Variants in CACNA1B observed in about 807,000 individuals in gnomAD.
CACNA1B encodes the protein voltage-dependent N-type calcium channel subunit alpha-1B.
A neutral mutation model predicts 247.2 loss-of-function variants in CACNA1B; 70 were observed. The observed-to-expected ratio is 0.28, with a 90% CI of 0.23 to 0.35. CACNA1B has a LOEUF of 0.35. Ranked by LOEUF, CACNA1B falls within the 10% of genes least tolerant of loss-of-function variation. The probability of loss-of-function intolerance (pLI) is 1.00; values close to 1 mark genes in which losing one functional copy is unlikely to be tolerated. For missense variants in CACNA1B, 2,367 were observed against 3,197.4 expected (o/e 0.74, Z 6.26); for synonymous variants, 1,231 against 1,294.4 (o/e 0.95, Z 1.05).
intron 20 of CACNA1B, among the ~76,000 whole-genome samples, chr9:138,039,548 T>C (rs923575893): frequency 8.5e-5 from 13 of 152,222 alleles, no homozygotes; most frequent in African/African-American, 3.1e-4. Context: ...CATCTGTGAA[T>C]ATATCATTTT....
At chr9:138,003,320 G>A (rs763593643) in intron 15 of CACNA1B, among the ~76,000 whole-genome samples, 45 of 151,084 alleles carry the variant, frequency 3.0e-4, no homozygotes, top group Middle Eastern at 3.5e-3. Context: ...CTACAGGTGC[G>A]CACTACCACA....
intron 11 of CACNA1B, among the ~76,000 whole-genome samples, chr9:137,972,040 C>G (rs1958158078): frequency 6.6e-6 from 1 of 152,176 alleles, no homozygotes; most frequent in Non-Finnish European, 1.5e-5. Flanking sequence ...GGGGGGAGTC[C>G]TGGCTTCTTA....
intron 6 of CACNA1B, among the ~76,000 whole-genome samples, chr9:137,927,669 A>C (rs1957567075): frequency 1.3e-5 from 2 of 152,160 alleles, no homozygotes; most frequent in Admixed American, 1.3e-4. Context: ...GAATGGCGAG[A>C]GCTGACATAT....
At position 137,955,605 on chromosome 9, in the gene CACNA1B, C is replaced by T; in HGVS notation, c.1071-93C>T. ...GCAGCCTGCAGCCTGCGTCTCCTGT[C>T]CCAGGCTTTCCCTGGTCCTTTTTGT... On this transcript the variant is annotated intron_variant, in intron 7 of 46. Coordinates refer to ENST00000371372, the MANE Select transcript of CACNA1B (RefSeq NM_000718.4). This position sits in a 1 kb window ranked among gnomAD's most constrained non-coding sequence, Gnocchi z 6.9. The T allele has an allele frequency of 1.2e-6, 1 of 837,264 alleles. No homozygotes were observed. Among genetic ancestry groups the T allele is most frequent in the Non-Finnish European group, 1.9e-6 (1 of 523,178 alleles). 51.9% of individuals were successfully genotyped at this position (837,264 alleles called of 1,614,324 possible).
intron 31 of CACNA1B, among the ~76,000 whole-genome samples, chr9:138,061,493 C>T (rs891627967): frequency 6.6e-6 from 1 of 152,150 alleles, no homozygotes; most frequent in Non-Finnish European, 1.5e-5. Context: ...TGAAATATGG[C>T]ACCCCAACCC....
intron 7 of CACNA1B, among the ~76,000 whole-genome samples, chr9:137,953,906 A>G (rs1177965242): frequency 6.6e-6 from 1 of 151,982 alleles, no homozygotes; most frequent in Non-Finnish European, 1.5e-5. Flanking sequence ...AGGTGCTGAG[A>G]ACGCTGCCTG....
At chr9:138,061,632 G>A (rs1959728384) in intron 31 of CACNA1B, among the ~76,000 whole-genome samples, 1 of 152,188 alleles carries the variant, frequency 6.6e-6, no homozygotes, top group South Asian at 2.1e-4. Flanking sequence ...TCCCCTGCGT[G>A]TGCTCCAAGC....
At position 138,058,426 on chromosome 9, in the gene CACNA1B, C is replaced by T; in HGVS notation, c.4309-143C>T. ...ACCGGATTTGGCTGGTTGAGGCCTG[C>T]TTGGAGAAGGTCTGGGCTGCTTCAA... On this transcript the variant is annotated intron_variant, in intron 28 of 46. Coordinates refer to ENST00000371372, the MANE Select transcript of CACNA1B (RefSeq NM_000718.4). This position sits in a 1 kb window ranked among gnomAD's most constrained non-coding sequence, Gnocchi z 4.7. The T allele has an allele frequency of 2.2e-6, 2 of 925,504 alleles. No homozygotes were observed. The highest frequency in any genetic ancestry group is 3.3e-6 in the Non-Finnish European group (2 of 607,548). 57.3% of individuals were successfully genotyped at this position (925,504 alleles called of 1,614,324 possible). A position where few individuals can be genotyped will look rare whatever the true frequency, so the allele number is the denominator to read the frequency against.
Position 138,052,305 on chromosome 9 carries a change from CCT to C in CACNA1B, c.3807+118_3807+119del. The C allele has an allele frequency of 3.2e-6, 2 of 634,576 alleles. No homozygotes were observed. Among genetic ancestry groups the C allele is most frequent in the Middle Eastern group, 8.2e-4 (2 of 2,426 alleles). 39.3% of individuals were successfully genotyped at this position (634,576 alleles called of 1,614,324 possible). ...AGTGTGTGTGTGTTCACATCACACC[CCT>C]GTGTGAGGGGGTTGGGCTCACTCAG... is the stretch of plus-strand genomic sequence containing the variant. On this transcript the variant is annotated intron_variant, in intron 25 of 46. Coordinates refer to ENST00000371372, the MANE Select transcript of CACNA1B (RefSeq NM_000718.4). This position sits in a 1 kb window ranked among gnomAD's most constrained non-coding sequence, Gnocchi z 5.1.
At position 137,986,947 on chromosome 9, in the gene CACNA1B, T is replaced by A; in HGVS notation, c.1974+93T>A. The A allele has an allele frequency of 1.1e-6, 1 of 926,996 alleles. No individual in the cohort carries two copies. Among genetic ancestry groups the A allele is most frequent in the Non-Finnish European group, 1.8e-6 (1 of 559,950 alleles). The allele number at this position is 926,996 out of a possible 1,614,324, so 57.4% of individuals were successfully genotyped here. On this transcript the variant is annotated intron_variant, in intron 15 of 46. Transcript: ENST00000371372. The surrounding 1 kb of genome is among the most constrained non-coding windows in gnomAD (Gnocchi z 6.0). ...GACTCTCCTGTCATTCCCTCCCTTG[T>A]TCCTCCACACGGCCCAGATCACTGA...
intron 42 of CACNA1B, 50 bp downstream of exon 42, chr9:138,115,729 A>T: frequency 6.4e-7 from 1 of 1,552,682 alleles, no homozygotes; most frequent in African/African-American, 1.4e-5. Flanking sequence ...GTCCAAAGAC[A>T]GTAAAGGGGG....
rs906053198 is a variant in CACNA1B at position 137,954,295 on chromosome 9, G to A, written c.1071-1403G>A. On this transcript the variant is annotated intron_variant, in intron 7 of 46. Coordinates refer to ENST00000371372, the MANE Select transcript of CACNA1B (RefSeq NM_000718.4). This position sits in a 1 kb window ranked among gnomAD's most constrained non-coding sequence, Gnocchi z 4.1. The stretch of plus-strand genomic sequence containing the variant: ...AGCCGCGGCTCTGCCATGTCTGGGC[G>A]AGAGCTGCAGGAGGGGCCAGCTTGG... 8.5e-5 allele frequency among the ~76,000 whole-genome samples: 13 copies of A among 152,210 alleles called. No individual in the cohort carries two copies. The highest frequency in any genetic ancestry group is 2.9e-4 in the African/African-American group (12 of 41,456).
intron 3 of CACNA1B, among the ~76,000 whole-genome samples, chr9:137,892,992 C>A (rs1957124262): frequency 2.0e-5 from 3 of 152,224 alleles, no homozygotes; most frequent in African/African-American, 7.2e-5. Context: ...GGGAGGGGGG[C>A]CGCCATGGCA....
intron 39 of CACNA1B, 109 bp from the exon 40 acceptor site, chr9:138,112,289 G>A (rs576553486): frequency 1.6e-5 from 12 of 740,972 alleles, no homozygotes; most frequent in African/African-American, 6.9e-5. Flanking sequence ...CCCCATCTCC[G>A]CCTACACCAT....
Position 138,120,643 on chromosome 9 carries a change from C to T in CACNA1B, c.6251C>T (p.Ala2084Val). 6.7e-7 allele frequency: 1 copy of T among 1,502,662 alleles called. No homozygotes were observed. The highest frequency in any genetic ancestry group is 8.8e-7 in the Non-Finnish European group (1 of 1,131,776). The allele number at this position is 1,502,662 out of a possible 1,614,324, so 93.1% of individuals were successfully genotyped here. ...CTTCCCTGGCCAGCACCAAGCAGTGCTGTGGGGCCGGGGCTGCCCCCGGGA... is the reference window on the plus strand; with the variant it reads ...CTTCCCTGGCCAGCACCAAGCAGTGTTGTGGGGCCGGGGCTGCCCCCGGGA... ...SADMDGAPSS[A>V]VGPGLPPGEG... The change falls in exon 46 of 47, where the codon GCT becomes GTT. Residue 2084 changes from alanine (A) to valine (V), a missense_variant. Coordinates refer to ENST00000371372, the MANE Select transcript of CACNA1B (RefSeq NM_000718.4).
At position 138,120,706 on chromosome 9, in the gene CACNA1B, G is replaced by A. The variant is rs1013828895; in HGVS notation, c.6314G>A (p.Arg2105Gln). ...GGCTGCCGGCGGGAACGAGAGCGCC[G>A]GCAGGAGCGGGGCCGGTCCCAGGAG... ...PTGCRRERER[R>Q]QERGRSQERR... Residue 2105 changes from arginine (R) to glutamine (Q), a missense_variant, in exon 46 of 47, where the codon CGG becomes CAG. Arg to Gln is a conservative substitution (Grantham distance 43). Transcript: ENST00000371372. 69 of 1,520,964 alleles carry A rather than the reference G, an allele frequency of 4.5e-5. No homozygotes were observed. Among genetic ancestry groups the A allele is most frequent in the Admixed American group, 2.0e-4 (8 of 40,342 alleles). The allele number at this position is 1,520,964 out of a possible 1,614,324, so 94.2% of individuals were successfully genotyped here.
chr9:138,074,692 T>C (rs1960254581), intron 34 of CACNA1B, among the ~76,000 whole-genome samples: 1 of 152,256 alleles, frequency 6.6e-6, no homozygotes, highest in Non-Finnish European at 1.5e-5. Context: ...CGTGGTGTTC[T>C]TGAGGGCTGC....
intron 34 of CACNA1B, among the ~76,000 whole-genome samples, chr9:138,075,117 A>G (rs1960268636): frequency 6.6e-6 from 1 of 152,238 alleles, no homozygotes; most frequent in Non-Finnish European, 1.5e-5. Context: ...TTAATTTGTT[A>G]TCGAAGGTGC....
intron 6 of CACNA1B, among the ~76,000 whole-genome samples, chr9:137,928,614 C>G (rs1291245394): frequency 6.6e-6 from 1 of 152,048 alleles, no homozygotes; most frequent in Non-Finnish European, 1.5e-5. Flanking sequence ...TTAAATAACA[C>G]TTTTGCTGCA....
Sources: allele counts gnomAD v4.1 joint callset (sites outside exome capture counted in the v4.1 genomes callset), GRCh38; gene constraint gnomAD v4.1.1; non-coding constraint Gnocchi (gnomAD v3.1); transcripts MANE v1.5; gene names NCBI Gene and HGNC (gene_info 2026-07-23, HGNC 2026-07-21).